RARB: variants seen among roughly 807,000 people sequenced by gnomAD.
RARB encodes the protein retinoic acid receptor beta.
RARB carries 17 observed loss-of-function variants against 51.9 expected under a neutral mutation model. The ratio of observed to expected loss-of-function variants is 0.33; its 90% CI spans 0.22 to 0.49. The LOEUF (loss-of-function observed/expected upper bound fraction) is 0.49, where lower values mean the gene tolerates loss of function less well. Ranked by LOEUF, RARB falls within the 20% of genes least tolerant of loss-of-function variation. The pLI, the probability that RARB is intolerant of heterozygous loss-of-function variation, is 0.99. For synonymous variants in RARB, 215 were observed against 195.4 expected (o/e 1.10, Z -0.84); for missense variants, 369 against 550.8 (o/e 0.67, Z 3.30).
chr3:24,989,144 A>T (rs773128271), intron 2 of RARB, among the ~76,000 whole-genome samples: 2 of 152,122 alleles, frequency 1.3e-5, no homozygotes, highest in Non-Finnish European at 2.9e-5. Flanking sequence ...GTTTATTTTT[A>T]TATAATTCTG....
At position 25,594,838 on chromosome 3, in the gene RARB, T is replaced by TA. The variant is rs3836380; in HGVS notation, c.1150+176dup. Among the ~76,000 whole-genome samples the TA allele has an allele frequency of 0.03, 3,936 of 130,818 alleles. 85 individuals are homozygous for TA. Among genetic ancestry groups the TA allele is most frequent in the African/African-American group, 0.053 (1,924 of 36,040 alleles). 85.8% of individuals were successfully genotyped at this position (130,818 alleles called of 152,430 possible). A position where few individuals can be genotyped will look rare whatever the true frequency, so the allele number is the denominator to read the frequency against. On this transcript the variant is annotated intron_variant, in intron 7 of 7. Coordinates refer to ENST00000330688, the MANE Select transcript of RARB (RefSeq NM_000965.5). Reference sequence around the variant, plus strand: ...AAGGAAATACTATCCCTCCCCCCTCTAAAAAAAAAAAAAAAACACCTCAAA... The same window carrying TA: ...AAGGAAATACTATCCCTCCCCCCTCTAAAAAAAAAAAAAAAAACACCTCAAA...
intron 5 of RARB, among the ~76,000 whole-genome samples, chr3:25,302,076 G>A (rs965672377): frequency 4.6e-5 from 7 of 152,150 alleles, no homozygotes; most frequent in African/African-American, 1.2e-4. Context: ...ATCACAGTGA[G>A]ATACTACTTT....
intron 5 of RARB, among the ~76,000 whole-genome samples, chr3:25,422,956 GT>G (rs1707899984): frequency 6.6e-6 from 1 of 152,130 alleles, no homozygotes; most frequent in African/African-American, 2.4e-5. Flanking sequence ...TGTAAATTAA[GT>G]TTTATTAAGT....
chr3:25,449,299 G>GT lies in RARB; in HGVS notation c.158-11893dup, dbSNP rs558066526. Among the ~76,000 whole-genome samples, 596 of 152,244 alleles carry GT rather than the reference G, an allele frequency of 3.9e-3. 6 individuals are homozygous for GT. The highest frequency in any genetic ancestry group is 5.9e-3 in the Admixed American group (90 of 15,290). On this transcript the variant is annotated intron_variant, in intron 1 of 7. Transcript: ENST00000330688. ...AGCAGGGAACATGCAGAAGGGGTTA[G>GT]TGAGTGTGTTTGTGTGTGCCTTCTA...
intron 5 of RARB, among the ~76,000 whole-genome samples, chr3:25,410,851 T>G (rs1477334516): frequency 6.6e-6 from 1 of 152,222 alleles, no homozygotes; most frequent in Non-Finnish European, 1.5e-5. Context: ...TCCTGCTCGC[T>G]GCCCCAACCC....
At chr3:24,987,199 C>A in intron 2 of RARB, among the ~76,000 whole-genome samples, 1 of 152,062 alleles carries the variant, frequency 6.6e-6, no homozygotes, top group Non-Finnish European at 1.5e-5. Flanking sequence ...TAAACTTAAT[C>A]ACCTGCTATT....
At chr3:25,013,909 A>C (rs538946952) in intron 2 of RARB, among the ~76,000 whole-genome samples, 1 of 152,252 alleles carries the variant, frequency 6.6e-6, no homozygotes, top group Non-Finnish European at 1.5e-5. Context: ...GTTTTGGTTC[A>C]CAAAACTGAA....
intron 3 of RARB, among the ~76,000 whole-genome samples, chr3:25,127,134 T>C (rs1363650778): frequency 6.6e-6 from 1 of 152,138 alleles, no homozygotes; most frequent in East Asian, 1.9e-4. Context: ...CCAGGTGATC[T>C]TGGAAGAGTA....
At chr3:25,574,881 G>A (rs1486926743) in intron 4 of RARB, among the ~76,000 whole-genome samples, 1 of 152,156 alleles carries the variant, frequency 6.6e-6, no homozygotes, top group Non-Finnish European at 1.5e-5. Context: ...GCTGCCAGGA[G>A]AGATGCATCA....
chr3:24,932,173 C>T lies in RARB; in HGVS notation c.-380+73421C>T, dbSNP rs181940885. Among the ~76,000 whole-genome samples, 19 of 152,152 alleles carry T rather than the reference C, an allele frequency of 1.2e-4. No individual in the cohort carries two copies. In the East Asian group the frequency reaches 1.9e-3, roughly 16 times the overall value. ...AGCGGTGATGGGCTTCAAAGTTCGT[C>T]GGCCCTTTCACTCAGGATACTTGGA... On this transcript the variant is annotated intron_variant, in intron 2 of 11. Coordinates refer to the RARB transcript ENST00000383772.
chr3:25,319,395 A>G (rs752063708), intron 5 of RARB, among the ~76,000 whole-genome samples: 3 of 152,226 alleles, frequency 2.0e-5, no homozygotes, highest in Non-Finnish European at 4.4e-5. Context: ...TGGAATGGCC[A>G]TGTTGAGACA....
At chr3:25,161,052 G>A (rs750886243) in intron 4 of RARB, among the ~76,000 whole-genome samples, 75 of 151,842 alleles carry the variant, frequency 4.9e-4, no homozygotes, top group Non-Finnish European at 6.2e-4. Flanking sequence ...TTGCTCCGTC[G>A]CCCAGGCTAG....
chr3:25,096,756 C>A (rs574192586), intron 3 of RARB, among the ~76,000 whole-genome samples: 47 of 152,130 alleles, frequency 3.1e-4, no homozygotes, highest in Non-Finnish European at 6.8e-4. Context: ...GTGGACCCTG[C>A]ATATTCATCA....
chr3:25,422,810 C>T (rs1707896731), intron 5 of RARB, among the ~76,000 whole-genome samples: 1 of 151,914 alleles, frequency 6.6e-6, no homozygotes, highest in Non-Finnish European at 1.5e-5. Flanking sequence ...GTTAACAAAA[C>T]CCAAATGTAT....
At chr3:25,035,942 G>T (rs1697983672) in intron 2 of RARB, among the ~76,000 whole-genome samples, 1 of 152,200 alleles carries the variant, frequency 6.6e-6, no homozygotes, top group Non-Finnish European at 1.5e-5. Context: ...CTGCCATGGA[G>T]GGCCACAGAT....
chr3:25,449,187 C>T (rs1478548909), intron 1 of RARB, among the ~76,000 whole-genome samples: 1 of 152,036 alleles, frequency 6.6e-6, no homozygotes, highest in Non-Finnish European at 1.5e-5. Context: ...TGACAGTGTT[C>T]AGCCACACGC....
chr3:25,260,112 G>C (rs1245868813), intron 5 of RARB, among the ~76,000 whole-genome samples: 3 of 152,032 alleles, frequency 2.0e-5, no homozygotes, highest in Non-Finnish European at 4.4e-5. Flanking sequence ...TTTGTTGTTT[G>C]TACTGACTCT....
intron 2 of RARB, among the ~76,000 whole-genome samples, chr3:24,922,454 A>G (rs1037319961): frequency 2.6e-5 from 4 of 152,198 alleles, no homozygotes; most frequent in Non-Finnish European, 5.9e-5. Context: ...TTTAATCCTC[A>G]CAGCAGTCGT....
intron 1 of RARB, among the ~76,000 whole-genome samples, chr3:25,436,590 G>A (rs910863499): frequency 1.3e-5 from 2 of 152,150 alleles, no homozygotes; most frequent in Admixed American, 6.5e-5. Flanking sequence ...GAACAGGTTT[G>A]GATTTGCAGG....
Sources: gnomAD v4.1 joint callset for allele counts (sites outside exome capture counted in the v4.1 genomes callset) on GRCh38, gnomAD v4.1.1 for gene constraint, MANE v1.5 for transcripts, NCBI Gene and HGNC (gene_info 2026-07-23, HGNC 2026-07-21) for gene names.